The following GNAI3 variants were observed in gnomAD, a reference collection of about 807,000 sequenced individuals.
GNAI3 encodes guanine nucleotide-binding protein G(i) subunit alpha-3.
GNAI3 carries 12 observed loss-of-function variants against 41.8 expected under a neutral mutation model. The ratio of observed to expected loss-of-function variants is 0.29; its 90% confidence interval spans 0.18 to 0.47. GNAI3 has a LOEUF of 0.47. GNAI3 is among the 20% of genes least tolerant of loss of function. The pLI is 1.00. For missense variants in GNAI3, 360 were observed against 429.6 expected (o/e 0.84, Z 1.43); for synonymous variants, 132 against 146.5 (o/e 0.90, Z 0.71).
At chr1:109,587,985 C>G (rs182035265) in intron 7 of GNAI3, among the ~76,000 whole-genome samples, 231 of 152,284 alleles carry the variant, frequency 1.5e-3, no homozygotes, top group African/African-American at 5.5e-3. Context: ...TTTCTCTCCT[C>G]TCTGTGTATC....
chr1:109,597,937 G>T lies in GNAI3; in HGVS notation c.*5615G>T, dbSNP rs147330578. 1 of 152,228 alleles carries T rather than the reference G, an allele frequency of 6.6e-6. No homozygotes were observed. The highest frequency in any genetic ancestry group is 1.5e-5 in the Non-Finnish European group (1 of 68,028). 9.4% of individuals were successfully genotyped at this position (152,228 alleles called of 1,614,324 possible). A position where few individuals can be genotyped will look rare whatever the true frequency, so the allele number is the denominator to read the frequency against. ...GATTGAGTCACATGTAAAAGCCTTT[G>T]TATGCCCAGTGCTAGTGTTTTCCTG... On this transcript the variant is annotated 3_prime_UTR_variant, in exon 9 of 9. Coordinates refer to ENST00000369851, the MANE Select transcript of GNAI3 (RefSeq NM_006496.4).
At chr1:109,589,750 A>T (rs1649124147) in intron 7 of GNAI3, among the ~76,000 whole-genome samples, 2 of 152,244 alleles carry the variant, frequency 1.3e-5, no homozygotes, top group African/African-American at 4.8e-5. Flanking sequence ...CTATTATATG[A>T]TATATCCAAA....
chr1:109,580,395 A>G (rs1176479467), intron 4 of GNAI3, among the ~76,000 whole-genome samples: 2 of 152,120 alleles, frequency 1.3e-5, no homozygotes, highest in Non-Finnish European at 2.9e-5. Context: ...TTAAGCATTA[A>G]AGTTTTTTCT....
rs1649266429 is a variant in GNAI3 at position 109,595,309 on chromosome 1, C to CT, written c.*2990dup. 6.6e-6 allele frequency: 1 copy of CT among 152,182 alleles called. No homozygotes were observed. Among genetic ancestry groups the CT allele is most frequent in the African/African-American group, 2.4e-5 (1 of 41,448 alleles). The allele number at this position is 152,182 out of a possible 1,614,324, so 9.4% of individuals were successfully genotyped here. A position where few individuals can be genotyped will look rare whatever the true frequency, so the allele number is the denominator to read the frequency against. On this transcript the variant is annotated 3_prime_UTR_variant, in exon 9 of 9. Transcript: ENST00000369851. ...CCTCCTAGCATGAAAATTCCAAAAACTTTAACAATTACTCATAAGTGGATC... is the reference window on the plus strand; with the variant it reads ...CCTCCTAGCATGAAAATTCCAAAAACTTTTAACAATTACTCATAAGTGGATC...
intron 3 of GNAI3, 81 bp downstream of exon 3, chr1:109,574,118 T>C (rs1648678697): frequency 4.1e-6 from 4 of 972,184 alleles, no homozygotes; most frequent in Admixed American, 2.6e-5. Context: ...CTTCATGTTT[T>C]AGGGAAATGA....
At chr1:109,576,316 G>A (rs780976847) in intron 3 of GNAI3, among the ~76,000 whole-genome samples, 2 of 152,142 alleles carry the variant, frequency 1.3e-5, no homozygotes, top group African/African-American at 2.4e-5. Context: ...TGATCCACTT[G>A]CCTTGGCCTC....
At chr1:109,584,894 C>T (rs1648995668) in intron 5 of GNAI3, among the ~76,000 whole-genome samples, 2 of 152,184 alleles carry the variant, frequency 1.3e-5, no homozygotes. Context: ...TGATGTTAGC[C>T]TTCCTAAAAC....
At chr1:109,557,699 C>T (rs777582311) in intron 1 of GNAI3, among the ~76,000 whole-genome samples, 28 of 152,098 alleles carry the variant, frequency 1.8e-4, no homozygotes, top group Non-Finnish European at 3.1e-4. Flanking sequence ...GCTCACGCAC[C>T]GCCTGACCCG....
rs1279632465 is a variant in GNAI3 at position 109,598,803 on chromosome 1, A to G, written c.*6481A>G. 8.0e-6 allele frequency: 4 copies of G among 502,148 alleles called. No individual in the cohort carries two copies. Among genetic ancestry groups the G allele is most frequent in the East Asian group, 5.7e-5 (1 of 17,690 alleles). The allele number at this position is 502,148 out of a possible 1,614,324, so 31.1% of individuals were successfully genotyped here. On this transcript the variant is annotated 3_prime_UTR_variant, in exon 9 of 9. Transcript: ENST00000369851. ...CTTCTGACCTCACAGAAATGTTTTC[A>G]TGCTTTTACCTAGCAGGACCACCAG...
At chr1:109,563,674 G>A (rs1437544060) in intron 1 of GNAI3, among the ~76,000 whole-genome samples, 7 of 152,152 alleles carry the variant, frequency 4.6e-5, no homozygotes, top group Non-Finnish European at 7.4e-5. Flanking sequence ...TATTGTCCAT[G>A]TATGTAATTG....
At chr1:109,584,463 T>A (rs553033962) in intron 5 of GNAI3, among the ~76,000 whole-genome samples, 10 of 152,364 alleles carry the variant, frequency 6.6e-5, no homozygotes, top group African/African-American at 2.4e-4. Context: ...GGTGTTGTTA[T>A]ATAAATCAGT....
chr1:109,589,357 C>T (rs752527583), intron 7 of GNAI3, among the ~76,000 whole-genome samples: 2 of 152,060 alleles, frequency 1.3e-5, no homozygotes, highest in South Asian at 2.1e-4. Flanking sequence ...GTTAGGAGGT[C>T]GTTGACCTGC....
At chr1:109,553,472 G>A (rs1326569629) in intron 1 of GNAI3, among the ~76,000 whole-genome samples, 2 of 152,132 alleles carry the variant, frequency 1.3e-5, no homozygotes, top group Non-Finnish European at 2.9e-5. Context: ...TTAAATTGCT[G>A]CATATTATTG....
intron 7 of GNAI3, among the ~76,000 whole-genome samples, chr1:109,588,534 T>C (rs1480217421): frequency 1.3e-5 from 2 of 152,134 alleles, no homozygotes; most frequent in Non-Finnish European, 2.9e-5. Flanking sequence ...ATGAAACTTA[T>C]AGATCAGAAT....
chr1:109,564,461 C>G (rs1648398841), intron 1 of GNAI3, among the ~76,000 whole-genome samples: 1 of 152,068 alleles, frequency 6.6e-6, no homozygotes, highest in African/African-American at 2.4e-5. Context: ...GAGCTCTCTC[C>G]TTTAAGTCAC....
chr1:109,550,715 A>T (rs1647962723), intron 1 of GNAI3, among the ~76,000 whole-genome samples: 1 of 152,064 alleles, frequency 6.6e-6, no homozygotes, highest in South Asian at 2.1e-4. Flanking sequence ...TTGTATTTTT[A>T]GTAGAGACGG....
At chr1:109,579,107 T>C in intron 3 of GNAI3, 97 bp from the exon 4 acceptor site, 1 of 970,272 alleles carries the variant, frequency 1.0e-6, no homozygotes, top group South Asian at 1.8e-5. Flanking sequence ...ACACCTCTTT[T>C]AACATAACAT....
intron 1 of GNAI3, 51 bp downstream of exon 1, chr1:109,548,889 T>G: frequency 8.2e-7 from 1 of 1,221,300 alleles, no homozygotes; most frequent in Non-Finnish European, 1.2e-6. Context: ...GCCTAGGCGC[T>G]TGGAAGGCCT....
chr1:109,588,079 C>A (rs1366580140), intron 7 of GNAI3, among the ~76,000 whole-genome samples: 1 of 152,136 alleles, frequency 6.6e-6, no homozygotes, highest in Non-Finnish European at 1.5e-5. Context: ...TTCTGTATCT[C>A]TGGTAAAAAG....
Sources: gnomAD v4.1 joint callset for allele counts (sites outside exome capture counted in the v4.1 genomes callset) on GRCh38, gnomAD v4.1.1 for gene constraint, MANE v1.5 for transcripts, NCBI Gene and HGNC (gene_info 2026-07-23, HGNC 2026-07-21) for gene names.